Variants in NLRC5 observed in about 807,000 individuals in gnomAD.
NLRC5 encodes NLR family CARD domain containing 5, also known as protein NLRC5.
Under a neutral mutation model 206.9 loss-of-function variants are expected in NLRC5, and 114 were observed. The ratio of observed to expected loss-of-function variants is 0.55; its 90% CI spans 0.47 to 0.64. NLRC5 has a LOEUF of 0.64. Ranked by LOEUF, NLRC5 falls within the 30% of genes least tolerant of loss-of-function variation. The pLI, the probability that NLRC5 is intolerant of heterozygous loss-of-function variation, is 0.00. For synonymous variants in NLRC5, 952 were observed against 962.8 expected, an observed-to-expected ratio of 0.99 and a Z score of 0.21; for missense variants, 2,008 against 2,305.5, an observed-to-expected ratio of 0.87 and a Z score of 2.64.
chr16:56,990,420 T>G lies in NLRC5; in HGVS notation c.-128+803T>G, dbSNP rs144365505. Among the ~76,000 whole-genome samples, 192 of 152,342 alleles carry G rather than the reference T, an allele frequency of 1.3e-3. 1 individual carries two copies. Among genetic ancestry groups the G allele is most frequent in the African/African-American group, 4.4e-3 (183 of 41,578 alleles). ...TATTTCTAAGGAACATTTAACCTCA[T>G]AAGTGATAGGTGAATACGTGGGTGT... On this transcript the variant is annotated intron_variant, in intron 1 of 48. Transcript: ENST00000688547.
intron 1 of NLRC5, among the ~76,000 whole-genome samples, chr16:57,012,872 G>A (rs909106928): frequency 1.1e-4 from 16 of 152,108 alleles, no homozygotes; most frequent in Non-Finnish European, 5.9e-5. Flanking sequence ...TCATCAACAT[G>A]TGTCTTTTTC....
intron 1 of NLRC5, among the ~76,000 whole-genome samples, chr16:57,005,622 T>C (rs1330520531): frequency 6.6e-6 from 1 of 152,104 alleles, no homozygotes; most frequent in Admixed American, 6.6e-5. Flanking sequence ...CACATGCATA[T>C]GGTATAACAT....
intron 1 of NLRC5, among the ~76,000 whole-genome samples, chr16:57,002,437 C>T (rs7195863): frequency 0.053 from 8,081 of 152,202 alleles, 269 homozygotes; most frequent in East Asian, 0.14. Context: ...CGTGAGCTGC[C>T]GTGCCCAGCT....
chr16:57,077,425 G>A (rs1305078595), intron 41 of NLRC5, 46 bp downstream of exon 41: 1 of 1,531,492 alleles, frequency 6.5e-7, no homozygotes, highest in African/African-American at 1.4e-5. Context: ...GTCACACGAT[G>A]GTCCTAGGAG....
chr16:57,037,139 C>T, intron 14 of NLRC5, 56 bp from the exon 15 acceptor site: 1 of 1,434,208 alleles, frequency 7.0e-7, no homozygotes, highest in Non-Finnish European at 9.8e-7. Context: ...CTAGAGCTGG[C>T]TGGGGCTGGG....
intron 20 of NLRC5, among the ~76,000 whole-genome samples, chr16:57,044,175 G>T (rs1316053698): frequency 6.6e-6 from 1 of 151,806 alleles, no homozygotes; most frequent in Non-Finnish European, 1.5e-5. Flanking sequence ...TCTGGGCGTG[G>T]TTGTGAGCCC....
chr16:57,048,886 C>A (rs2064396449), intron 23 of NLRC5, among the ~76,000 whole-genome samples: 1 of 152,072 alleles, frequency 6.6e-6, no homozygotes, highest in African/African-American at 2.4e-5. Flanking sequence ...GGTCAGTGGT[C>A]CCTGATTGTC....
intron 24 of NLRC5, among the ~76,000 whole-genome samples, chr16:57,054,363 C>T (rs1286022337): frequency 6.6e-6 from 1 of 152,132 alleles, no homozygotes; most frequent in Non-Finnish European, 1.5e-5. Flanking sequence ...AGCAAGGACT[C>T]GCCTGTGAAA....
intron 6 of NLRC5, among the ~76,000 whole-genome samples, chr16:57,027,573 G>A (rs2061380859): frequency 6.6e-6 from 1 of 152,236 alleles, no homozygotes; most frequent in South Asian, 2.1e-4. Flanking sequence ...GGAAGAGTCA[G>A]AGGTAGGTGG....
chr16:57,011,210 C>T (rs185687275), intron 1 of NLRC5, among the ~76,000 whole-genome samples: 13 of 151,486 alleles, frequency 8.6e-5, no homozygotes, highest in Non-Finnish European at 1.3e-4. Flanking sequence ...GTCAGGAGTT[C>T]GAGACCAACC....
intron 39 of NLRC5, 36 bp downstream of exon 39, chr16:57,074,719 A>AAGAG: frequency 6.3e-7 from 1 of 1,590,226 alleles, no homozygotes; most frequent in East Asian, 2.2e-5. Flanking sequence ...AATGAGTGGG[A>AAGAG]AGAAACACTT....
At chr16:57,015,564 C>A (rs1285062079) in intron 1 of NLRC5, among the ~76,000 whole-genome samples, 2 of 150,986 alleles carry the variant, frequency 1.3e-5, no homozygotes, top group African/African-American at 2.4e-5. Flanking sequence ...CCAGCCTGGG[C>A]AACATAGAAA....
intron 1 of NLRC5, among the ~76,000 whole-genome samples, chr16:56,998,834 C>T (rs548980780): frequency 3.3e-5 from 5 of 152,360 alleles, no homozygotes; most frequent in Admixed American, 3.3e-4. Flanking sequence ...AATCCCACAG[C>T]GTGGTTACAC....
intron 1 of NLRC5, among the ~76,000 whole-genome samples, chr16:56,991,383 T>A (rs2056825834): frequency 4.5e-5 from 2 of 44,348 alleles, no homozygotes; most frequent in Admixed American, 1.6e-4. Flanking sequence ...TTATTCCTTT[T>A]TTTTTTTTTT....
chr16:57,081,510 C>G lies in NLRC5; in HGVS notation c.5406-17C>G, dbSNP rs1355855426. ...GCCGTGTTTCTCTTTCCCCTCCCCTCACTGTCCACTGAGAAGCCTGGAGAA... is the reference window on the plus strand; with the variant it reads ...GCCGTGTTTCTCTTTCCCCTCCCCTGACTGTCCACTGAGAAGCCTGGAGAA... On this transcript the variant is annotated splice_polypyrimidine_tract_variant and intron_variant, in intron 47 of 48. Transcript: ENST00000688547. 4.3e-6 allele frequency: 7 copies of G among 1,612,280 alleles called. No homozygotes were observed. The highest frequency in any genetic ancestry group is 5.9e-6 in the Non-Finnish European group (7 of 1,178,378).
intron 8 of NLRC5, among the ~76,000 whole-genome samples, chr16:57,028,595 T>C (rs1408768368): frequency 6.6e-6 from 1 of 152,182 alleles, no homozygotes; most frequent in Non-Finnish European, 1.5e-5. Flanking sequence ...CTTCATCTAA[T>C]ATTTTAGACT....
At chr16:57,050,037 G>A (rs542477456) in intron 23 of NLRC5, among the ~76,000 whole-genome samples, 1 of 151,648 alleles carries the variant, frequency 6.6e-6, no homozygotes, top group Non-Finnish European at 1.5e-5. Context: ...AGCACTGCAG[G>A]TCTACTTTGC....
intron 27 of NLRC5, among the ~76,000 whole-genome samples, chr16:57,056,647 A>G (rs1255154405): frequency 6.6e-6 from 1 of 150,780 alleles, no homozygotes; most frequent in Non-Finnish European, 1.5e-5. Flanking sequence ...TTATAGAGGG[A>G]AATTTTTCTT....
chr16:57,025,754 C>A lies in NLRC5; in HGVS notation c.811C>A (p.Leu271Met). ...FRQLNLITRF[L>M]TPSELLFDLY... is the part of the protein sequence containing the mutation. ...CCAGCTCAACTTGATCACGAGGTTC[C>A]TGACACCGTCCGAGCTCCTTTTTGA... Residue 271 changes from leucine (L) to methionine (M), a missense_variant, in exon 6 of 49, where the codon CTG (leucine) becomes ATG (methionine). Leu to Met is a conservative substitution (Grantham distance 15). Transcript: ENST00000688547. 4 of 1,614,224 alleles carry A rather than the reference C, an allele frequency of 2.5e-6. No individual in the cohort carries two copies. The highest frequency in any genetic ancestry group is 3.4e-6 in the Non-Finnish European group (4 of 1,180,034).
Sources: allele counts gnomAD v4.1 joint callset (sites outside exome capture counted in the v4.1 genomes callset), GRCh38; gene constraint gnomAD v4.1.1; transcripts MANE v1.5; gene names NCBI Gene and HGNC (gene_info 2026-07-23, HGNC 2026-07-21).